Variants in PCM1 observed in about 807,000 individuals in gnomAD.
The protein encoded by PCM1 is pericentriolar material 1.
Under a neutral mutation model 241.9 loss-of-function variants are expected in PCM1, and 157 were observed. The observed-to-expected ratio is 0.65, with a 90% CI of 0.57 to 0.74. The LOEUF is 0.74. Ranked by LOEUF, PCM1 falls within the 30% of genes least tolerant of loss-of-function variation. The pLI, the probability that PCM1 is intolerant of heterozygous loss-of-function variation, is 0.00. For synonymous variants in PCM1, 1,085 were observed against 784.9 expected (o/e 1.38, Z -6.39); for missense variants, 3,478 against 2,360.1 (o/e 1.47, Z -9.81).
At position 17,966,614 on chromosome 8, in the gene PCM1, G is replaced by A. The variant is rs2129469751; in HGVS notation, c.3221+141G>A. 7.6e-6 allele frequency: 5 copies of A among 653,976 alleles called. No individual in the cohort carries two copies. The South Asian group carries it at 9.1e-5, about 12-fold the overall frequency. The allele number at this position is 653,976 out of a possible 1,614,324, so 40.5% of individuals were successfully genotyped here. On this transcript the variant is annotated intron_variant, in intron 20 of 38. Transcript: ENST00000325083. Reference sequence around the variant, plus strand: ...TTCCCTTGAGAATTTTATAAGTGGTGATTTACCTAATGTTTCCTTTTAATA... The same window carrying A: ...TTCCCTTGAGAATTTTATAAGTGGTAATTTACCTAATGTTTCCTTTTAATA...
chr8:17,972,250 G>C, intron 22 of PCM1, 79 bp from the exon 23 acceptor site: 1 of 799,078 alleles, frequency 1.3e-6, no homozygotes. Flanking sequence ...ATCTACTCGA[G>C]TAGACTATAA....
rs756186349 is a variant in PCM1, at chr8:17,986,090, A to G, written c.4410+3A>G. The G allele has an allele frequency of 2.6e-6, 4 of 1,554,676 alleles. No individual in the cohort carries two copies. Among genetic ancestry groups the G allele is most frequent in the Non-Finnish European group, 3.5e-6 (4 of 1,152,582 alleles). On this transcript the variant is annotated splice_donor_region_variant and intron_variant, in intron 26 of 38. Transcript: ENST00000325083. ...AGAGCCTTGCTACTACTGATGATGT[A>G]AGCTGATAATGATTAGTGAATTGTA... is the stretch of plus-strand genomic sequence containing the variant.
At chr8:17,979,133 GA>G (rs57467397) in intron 23 of PCM1, among the ~76,000 whole-genome samples, 6,791 of 86,192 alleles carry the variant, frequency 0.079, 352 homozygotes, top group African/African-American at 0.19. Flanking sequence ...CAAAAGAAAA[GA>G]AAAAAAAAAA....
At chr8:17,982,716 A>C (rs567592969) in intron 24 of PCM1, 1 of 152,336 alleles carries the variant, frequency 6.6e-6, no homozygotes, top group Non-Finnish European at 1.5e-5. Flanking sequence ...GGATGGTCTC[A>C]ATCTCCTGAC....
chr8:17,990,096 T>C, intron 27 of PCM1, 117 bp downstream of exon 27: 1 of 731,674 alleles, frequency 1.4e-6, no homozygotes, highest in Non-Finnish European at 2.0e-6. Context: ...GTTGAAAGAA[T>C]GTGGACTTAA....
chr8:17,928,110 C>T (rs187350514), intron 2 of PCM1, among the ~76,000 whole-genome samples: 1 of 152,288 alleles, frequency 6.6e-6, no homozygotes, highest in African/African-American at 2.4e-5. Context: ...TCAATCACTT[C>T]TACCAATTGT....
Position 17,956,583 on chromosome 8 carries a change from CATAA to C in PCM1, c.1473-18_1473-15del, listed in dbSNP as rs752706420. 13 of 1,481,084 alleles carry C rather than the reference CATAA, an allele frequency of 8.8e-6. No individual in the cohort carries two copies. Among genetic ancestry groups the C allele is most frequent in the African/African-American group, 1.4e-5 (1 of 71,492 alleles). The allele number at this position is 1,481,084 out of a possible 1,614,324, so 91.7% of individuals were successfully genotyped here. On this transcript the variant is annotated splice_polypyrimidine_tract_variant and intron_variant, in intron 10 of 38. Transcript: ENST00000325083. ...TGCTAAAATGGGTGTAAATCGTATA[CATAA>C]ATTTTTTGTTTATCAGGAAGTTAAA...
intron 13 of PCM1, among the ~76,000 whole-genome samples, chr8:17,958,579 A>G (rs111462263): frequency 9.2e-5 from 14 of 152,172 alleles, no homozygotes; most frequent in African/African-American, 2.9e-4. Flanking sequence ...TGTTGTGTAT[A>G]TATATATAAA....
Position 17,960,309 on chromosome 8 carries a change from T to C in PCM1, c.2193-6T>C, listed in dbSNP as rs746096781. On this transcript the variant is annotated splice_region_variant and splice_polypyrimidine_tract_variant and intron_variant, in intron 14 of 38. Coordinates refer to ENST00000325083, the MANE Select transcript of PCM1 (RefSeq NM_006197.4). ...GTCCATAAATATAATGTCAATTTAA[T>C]TGTAGAGAGAAATTTTATGAGGCTA... The C allele has an allele frequency of 2.5e-6, 4 of 1,594,228 alleles. No individual in the cohort carries two copies. The highest frequency in any genetic ancestry group is 3.4e-6 in the Non-Finnish European group (4 of 1,174,566).
At position 17,969,709 on chromosome 8, in the gene PCM1, C is replaced by T. The variant is rs972360357; in HGVS notation, c.3545C>T (p.Pro1182Leu). 6.2e-7 allele frequency: 1 copy of T among 1,611,526 alleles called. No homozygotes were observed. Residue 1182 changes from proline to leucine, a missense_variant, in exon 22 of 39, where the codon CCT becomes CTT. Coordinates refer to ENST00000325083, the MANE Select transcript of PCM1 (RefSeq NM_006197.4). ...GKTEYMAFPK[P>L]FESSSSIGAE... The stretch of plus-strand genomic sequence containing the variant: ...ACAGAATATATGGCTTTTCCAAAAC[C>T]TTTTGAAAGCAGTTCCTCTATTGGA...
intron 30 of PCM1, 80 bp from the exon 31 acceptor site, chr8:18,009,467 T>C: frequency 1.1e-6 from 1 of 910,278 alleles, no homozygotes; most frequent in Middle Eastern, 3.1e-4. Flanking sequence ...TAGTTTTAAG[T>C]TTTTCAGTAC....
At chr8:17,951,142 A>G (rs1361785614) in intron 8 of PCM1, among the ~76,000 whole-genome samples, 1 of 152,232 alleles carries the variant, frequency 6.6e-6, no homozygotes, top group Non-Finnish European at 1.5e-5. Context: ...ATTTGAAGGA[A>G]TATTTTACTA....
At chr8:17,982,235 T>A (rs2081087380) in intron 24 of PCM1, among the ~76,000 whole-genome samples, 1 of 152,170 alleles carries the variant, frequency 6.6e-6, no homozygotes, top group African/African-American at 2.4e-5. Context: ...TACTAAAATT[T>A]TATAATTTTC....
intron 24 of PCM1, chr8:17,982,471 C>T (rs190131691): frequency 8.0e-5 from 12 of 150,758 alleles, no homozygotes; most frequent in African/African-American, 2.4e-4. Flanking sequence ...CACAAGTTTA[C>T]ATATTTACAT....
At chr8:17,952,945 T>G in intron 8 of PCM1, 25 bp from the exon 9 acceptor site, 2 of 1,424,556 alleles carry the variant, frequency 1.4e-6, no homozygotes, top group South Asian at 2.7e-5. Flanking sequence ...TTAATTCTTC[T>G]TTTTTGTTGT....
intron 20 of PCM1, 74 bp downstream of exon 20, chr8:17,966,547 G>A: frequency 1.5e-6 from 2 of 1,365,622 alleles, no homozygotes; most frequent in South Asian, 1.4e-5. Context: ...TTAGCTTCTG[G>A]GAGAAAAGAG....
chr8:17,924,972 G>A (rs942297486), intron 2 of PCM1, 192 bp downstream of exon 2: 1 of 152,116 alleles, frequency 6.6e-6, no homozygotes, highest in Non-Finnish European at 1.5e-5. Flanking sequence ...ATCTTTGTTC[G>A]GAAAGGCCCT....
chr8:17,988,120 G>C (rs930872225), intron 26 of PCM1, among the ~76,000 whole-genome samples: 4 of 151,756 alleles, frequency 2.6e-5, no homozygotes. Context: ...AACACACTTT[G>C]TGTCTCCTGC....
At chr8:17,926,545 A>G (rs193112471) in intron 2 of PCM1, 1 of 152,352 alleles carries the variant, frequency 6.6e-6, no homozygotes, top group Admixed American at 6.5e-5. Context: ...GATCACAGGC[A>G]ATGCCATTTT....
Sources: gnomAD v4.1 joint callset for allele counts (sites outside exome capture counted in the v4.1 genomes callset) on GRCh38, gnomAD v4.1.1 for gene constraint, MANE v1.5 for transcripts, NCBI Gene and HGNC (gene_info 2026-07-23, HGNC 2026-07-21) for gene names.